The following PRRC1 variants were observed in gnomAD, a reference collection of about 807,000 sequenced individuals.
PRRC1 encodes the protein proline rich coiled-coil 1, also known as protein PRRC1.
Under a neutral mutation model 40.7 loss-of-function variants are expected in PRRC1, and 39 were observed. That is an observed-to-expected ratio of 0.96 (90% CI 0.74 to 1.25). The LOEUF is 1.25. Among genes scored for constraint, PRRC1 ranks in the 50% most tolerant of loss-of-function variants. The pLI, the probability that PRRC1 is intolerant of heterozygous loss-of-function variation, is 0.00. For missense variants in PRRC1, 573 were observed against 548.3 expected (o/e 1.05, Z -0.45); for synonymous variants, 175 against 193.3 (o/e 0.91, Z 0.79).
rs1182195823 is a variant in PRRC1, at chr5:127,553,870, C to T, written c.*1954C>T. 4 of 1,535,616 alleles carry T rather than the reference C, an allele frequency of 2.6e-6. No individual in the cohort carries two copies. Among genetic ancestry groups the T allele is most frequent in the Admixed American group, 2.0e-5 (1 of 50,982 alleles). ...GGTTGAAGCTAGAAATTTTCCTGCC[C>T]CTGGTGACCTGGTAAGCCTCCTGCT... is the stretch of plus-strand genomic sequence containing the variant. On this transcript the variant is annotated 3_prime_UTR_variant, in exon 9 of 9. Transcript: ENST00000296666.
chr5:127,532,265 T>TG (rs1767795370), intron 5 of PRRC1, among the ~76,000 whole-genome samples: 1 of 151,988 alleles, frequency 6.6e-6, no homozygotes, highest in Non-Finnish European at 1.5e-5. Context: ...CACGCCACCA[T>TG]GCCCAGCTAA....
intron 1 of PRRC1, among the ~76,000 whole-genome samples, chr5:127,522,518 G>T (rs909695520): frequency 3.3e-5 from 5 of 152,044 alleles, no homozygotes; most frequent in African/African-American, 1.2e-4. Context: ...AGCATCCTGA[G>T]TTGCTGGGAC....
At chr5:127,535,117 A>C (rs1242962371) in intron 6 of PRRC1, among the ~76,000 whole-genome samples, 1 of 151,758 alleles carries the variant, frequency 6.6e-6, no homozygotes, top group South Asian at 2.1e-4. Context: ...GCCTCTGGTC[A>C]CATTTTGCCA....
At chr5:127,542,224 C>T (rs1477854489) in intron 7 of PRRC1, among the ~76,000 whole-genome samples, 4 of 152,154 alleles carry the variant, frequency 2.6e-5, no homozygotes, top group Non-Finnish European at 4.4e-5. Flanking sequence ...TTTGATTGCA[C>T]TGTGGTCTGA....
intron 7 of PRRC1, among the ~76,000 whole-genome samples, chr5:127,539,891 T>C (rs1350920280): frequency 1.3e-5 from 2 of 152,000 alleles, no homozygotes; most frequent in African/African-American, 4.8e-5. Context: ...AAACATAATT[T>C]TTTGCTGACA....
chr5:127,546,372 C>T (rs571912492), intron 7 of PRRC1, among the ~76,000 whole-genome samples: 3 of 152,158 alleles, frequency 2.0e-5, no homozygotes, highest in Non-Finnish European at 4.4e-5. Context: ...CTACTGATTC[C>T]AATATCACGG....
In PRRC1 at chr5:127,530,355, G is replaced by A; in HGVS notation, c.716G>A (p.Ser239Asn). Residue 239 changes from serine (S) to asparagine (N), a missense_variant, in exon 5 of 9, where the codon AGC (serine) becomes AAC (asparagine). By Grantham distance (46) the Ser-to-Asn change is conservative. Transcript: ENST00000296666. Reference sequence around the variant, plus strand: ...GATAAGACAAAACATTCAGTAGAAAGCATGATTACAACGCTGGACCCTGGC... The same window carrying A: ...GATAAGACAAAACATTCAGTAGAAAACATGATTACAACGCTGGACCCTGGC... ...VLDKTKHSVE[S>N]MITTLDPGMA... is the part of the protein sequence containing the mutation. 6.2e-7 allele frequency: 1 copy of A among 1,613,894 alleles called. No homozygotes were observed. Among genetic ancestry groups the A allele is most frequent in the Non-Finnish European group, 8.5e-7 (1 of 1,179,906 alleles).
chr5:127,534,009 T>C, intron 6 of PRRC1: 1 of 597,546 alleles, frequency 1.7e-6, no homozygotes, highest in Non-Finnish European at 3.0e-6. Context: ...GAAAGAAACA[T>C]TGAGAGAGCA....
chr5:127,547,073 A>C (rs898761242), intron 7 of PRRC1, among the ~76,000 whole-genome samples: 1 of 152,144 alleles, frequency 6.6e-6, no homozygotes, highest in African/African-American at 2.4e-5. Context: ...TTTACATTAA[A>C]AAATAGGCAT....
intron 6 of PRRC1, among the ~76,000 whole-genome samples, chr5:127,538,622 T>A (rs1410516628): frequency 6.6e-6 from 1 of 152,048 alleles, no homozygotes; most frequent in Non-Finnish European, 1.5e-5. Flanking sequence ...ATTATTGATA[T>A]GATTGCCTAC....
chr5:127,519,261 T>G (rs1297357735), intron 1 of PRRC1, among the ~76,000 whole-genome samples: 2 of 152,268 alleles, frequency 1.3e-5, no homozygotes, highest in Non-Finnish European at 2.9e-5. Context: ...CTATCTCAGG[T>G]TATTTACCTT....
chr5:127,541,934 C>T (rs933876095), intron 7 of PRRC1, among the ~76,000 whole-genome samples: 5 of 150,474 alleles, frequency 3.3e-5, no homozygotes, highest in African/African-American at 1.2e-4. Context: ...AATGTGTTTG[C>T]TCTTGCTTTT....
In PRRC1 at chr5:127,539,107, C is replaced by T. The variant is rs1394652894; in HGVS notation, c.989C>T (p.Ser330Leu). 20 of 1,612,886 alleles carry T rather than the reference C, an allele frequency of 1.2e-5. No individual in the cohort carries two copies. Among genetic ancestry groups the T allele is most frequent in the Non-Finnish European group, 1.7e-5 (20 of 1,179,058 alleles). Residue 330 changes from serine (S) to leucine (L), a missense_variant, in exon 7 of 9, where the codon TCA becomes TTA. Physicochemically the swap from Ser to Leu is moderately radical, Grantham distance 145. Coordinates refer to ENST00000296666, the MANE Select transcript of PRRC1 (RefSeq NM_130809.5). ...GVIHEKQTAV[S>L]VENFIAELLP... The stretch of plus-strand genomic sequence containing the variant: ...ATCCATGAAAAACAGACAGCTGTGT[C>T]AGTAGAAAACTTCATTGCAGAATTG...
At chr5:127,526,468 C>T (rs1367776782) in intron 3 of PRRC1, 150 bp from the exon 4 acceptor site, 51 of 528,024 alleles carry the variant, frequency 9.7e-5, no homozygotes, top group African/African-American at 7.8e-5. Flanking sequence ...GTTTAATTTG[C>T]GTTTTATAAA....
At chr5:127,549,168 A>T (rs1407596926) in intron 8 of PRRC1, 1 of 152,114 alleles carries the variant, frequency 6.6e-6, no homozygotes, top group Non-Finnish European at 1.5e-5. Context: ...AAAAAAAAAA[A>T]ATCACTGAGT....
chr5:127,523,175 A>G (rs1029210686), intron 1 of PRRC1, among the ~76,000 whole-genome samples: 6 of 152,320 alleles, frequency 3.9e-5, no homozygotes, highest in African/African-American at 1.4e-4. Context: ...TTACTATTTG[A>G]AATGTAGTAG....
In PRRC1 at chr5:127,531,376, C is replaced by CATT. The variant is rs1475785356; in HGVS notation, c.757+982_757+984dup. Among the ~76,000 whole-genome samples, 21 of 152,180 alleles carry CATT rather than the reference C, an allele frequency of 1.4e-4. No homozygotes were observed. In the East Asian group the frequency reaches 4.1e-3, roughly 29 times the overall value. On this transcript the variant is annotated intron_variant, in intron 5 of 8. Transcript: ENST00000296666. ...CCTTGTAGTAGAAAATTGAATCAAG[C>CATT]ATTAAATCAACTGAGTTGTTCTTTG...
intron 1 of PRRC1, among the ~76,000 whole-genome samples, chr5:127,520,532 T>G (rs1443888272): frequency 1.3e-5 from 2 of 152,174 alleles, no homozygotes; most frequent in Non-Finnish European, 2.9e-5. Flanking sequence ...CTCAAGAACA[T>G]TATGTTGAAT....
At chr5:127,551,628 C>T (rs1768384650) in intron 8 of PRRC1, 79 bp from the exon 9 acceptor site, 1 of 1,409,772 alleles carries the variant, frequency 7.1e-7, no homozygotes, top group Non-Finnish European at 9.8e-7. Flanking sequence ...ACATGAAACA[C>T]TTTGAAATGT....
Sources: gnomAD v4.1 joint callset for allele counts (sites outside exome capture counted in the v4.1 genomes callset) on GRCh38, gnomAD v4.1.1 for gene constraint, MANE v1.5 for transcripts, NCBI Gene and HGNC (gene_info 2026-07-23, HGNC 2026-07-21) for gene names.